Variants in ACOXL observed in about 807,000 individuals in gnomAD.
ACOXL encodes acyl-CoA oxidase like, also known as acyl-coenzyme A oxidase-like protein.
In ACOXL, 70 loss-of-function variants were observed where a neutral mutation model predicts 71.9. The ratio of observed to expected loss-of-function variants is 0.97; its 90% CI spans 0.80 to 1.19. ACOXL has a LOEUF of 1.19. Ranked by LOEUF, ACOXL falls within the 50% of genes most tolerant of loss-of-function variation. The pLI is 0.00. For synonymous variants in ACOXL, 253 were observed against 281.6 expected (o/e 0.90, Z 1.02); for missense variants, 703 against 736.3 (o/e 0.95, Z 0.52).
At position 111,051,253 on chromosome 2, in the gene ACOXL, G is replaced by A. The variant is rs60560514; in HGVS notation, c.1440+1965G>A. ...AATGTCACATATCAGAAGGCACCATGTGGGTGTGACAATGGTATGCTGGGT... is the reference window on the plus strand; with the variant it reads ...AATGTCACATATCAGAAGGCACCATATGGGTGTGACAATGGTATGCTGGGT... On this transcript the variant is annotated intron_variant, in intron 16 of 17. Transcript: ENST00000439055. 6.3e-3 allele frequency among the ~76,000 whole-genome samples: 956 copies of A among 152,304 alleles called. 8 individuals are homozygous for A. The highest frequency in any genetic ancestry group is 0.034 in the Middle Eastern group (10 of 292).
At chr2:110,992,886 A>G (rs940979386) in intron 13 of ACOXL, among the ~76,000 whole-genome samples, 4 of 152,280 alleles carry the variant, frequency 2.6e-5, no homozygotes, top group Non-Finnish European at 4.4e-5. Context: ...GTGTTTTTCT[A>G]CATTATGCTG....
At chr2:110,799,541 G>T (rs2105317057) in intron 7 of ACOXL, among the ~76,000 whole-genome samples, 1 of 152,200 alleles carries the variant, frequency 6.6e-6, no homozygotes, top group Non-Finnish European at 1.5e-5. Flanking sequence ...CTAACTGTGG[G>T]GCTTAAACAA....
intron 16 of ACOXL, among the ~76,000 whole-genome samples, chr2:111,055,377 C>T (rs1031384233): frequency 1.3e-5 from 2 of 152,240 alleles, no homozygotes; most frequent in African/African-American, 4.8e-5. Flanking sequence ...TCTTCCTTTT[C>T]TCAACCTGTG....
chr2:110,900,072 AACAC>A (rs1207320985), intron 10 of ACOXL, among the ~76,000 whole-genome samples: 83 of 123,204 alleles, frequency 6.7e-4, no homozygotes, highest in African/African-American at 2.6e-3. Flanking sequence ...AAAGCTTTTC[AACAC>A]ACACACACAT....
chr2:110,837,926 G>T (rs1179056722), intron 9 of ACOXL, among the ~76,000 whole-genome samples: 1 of 152,180 alleles, frequency 6.6e-6, no homozygotes, highest in Non-Finnish European at 1.5e-5. Flanking sequence ...CCTCAGCCTG[G>T]CTGGGCCAGG....
At position 110,747,745 on chromosome 2, in the gene ACOXL, T is replaced by C. The variant is rs184843878; in HGVS notation, c.-23+14971T>C. 1.3e-4 allele frequency among the ~76,000 whole-genome samples: 20 copies of C among 152,104 alleles called. No individual in the cohort carries two copies. In the East Asian group the frequency reaches 3.7e-3, roughly 28 times the overall value. On this transcript the variant is annotated intron_variant, in intron 1 of 17. Coordinates refer to ENST00000439055, the MANE Select transcript of ACOXL (RefSeq NM_001142807.4). ...GACATACCTTTACCTAGTGAAGAAA[T>C]GTTTTTGTGTTTTTTTTATGGCTTG...
At chr2:110,811,730 T>C (rs75601996) in intron 9 of ACOXL, among the ~76,000 whole-genome samples, 126 of 101,652 alleles carry the variant, frequency 1.2e-3, no homozygotes, top group Middle Eastern at 6.0e-3. Flanking sequence ...TTTTTTTGCA[T>C]ACACACACAC....
Position 110,968,552 on chromosome 2 carries a change from A to G in ACOXL, c.1060-18556A>G, listed in dbSNP as rs2062034820. On this transcript the variant is annotated intron_variant, in intron 12 of 17. Transcript: ENST00000439055. ...ACTCCAGACATGACGGAGGAGATGTATAAGAAAGCTCATGCTGCTTATACA... is the reference window on the plus strand; with the variant it reads ...ACTCCAGACATGACGGAGGAGATGTGTAAGAAAGCTCATGCTGCTTATACA... 4.7e-6 allele frequency: 5 copies of G among 1,063,472 alleles called. No individual in the cohort carries two copies. The Admixed American group carries it at 5.5e-5, about 12-fold the overall frequency. The allele number at this position is 1,063,472 out of a possible 1,614,324, so 65.9% of individuals were successfully genotyped here.
intron 12 of ACOXL, among the ~76,000 whole-genome samples, chr2:110,951,138 G>C (rs781730600): frequency 6.6e-6 from 1 of 152,174 alleles, no homozygotes; most frequent in Non-Finnish European, 1.5e-5. Context: ...TGTTATGAAC[G>C]TGCCAGCGGA....
intron 14 of ACOXL, among the ~76,000 whole-genome samples, chr2:110,999,512 G>A (rs1344869049): frequency 1.3e-5 from 2 of 152,030 alleles, no homozygotes; most frequent in Non-Finnish European, 2.9e-5. Context: ...AATACATTTT[G>A]TCCTCCAAGA....
chr2:110,930,810 G>GCCATCATGCAAAATGTGCCTTTTGCCTT (rs2060453073), intron 11 of ACOXL, among the ~76,000 whole-genome samples: 3 of 152,166 alleles, frequency 2.0e-5, no homozygotes, highest in Admixed American at 2.0e-4. Flanking sequence ...TCTCTTGCCT[G>GCCATCATGCAAAATGTGCCTTTTGCCTT]CCATCATGCA....
At chr2:111,082,573 T>C (rs949813468) in intron 16 of ACOXL, among the ~76,000 whole-genome samples, 3 of 152,180 alleles carry the variant, frequency 2.0e-5, no homozygotes, top group African/African-American at 7.2e-5. Flanking sequence ...ACACTGTTGG[T>C]GGGAGTGTAA....
intron 14 of ACOXL, among the ~76,000 whole-genome samples, chr2:111,021,519 C>G (rs138948539): frequency 1.2e-4 from 18 of 152,250 alleles, no homozygotes; most frequent in African/African-American, 3.9e-4. Context: ...ACCAGTGAGC[C>G]GCTGGCTACT....
intron 1 of ACOXL, among the ~76,000 whole-genome samples, chr2:110,743,598 C>G (rs565384736): frequency 6.6e-6 from 1 of 152,238 alleles, no homozygotes; most frequent in African/African-American, 2.4e-5. Context: ...TGCTGCCAGG[C>G]CTTTGGTGGG....
intron 16 of ACOXL, among the ~76,000 whole-genome samples, chr2:111,064,070 T>C (rs937804246): frequency 3.3e-5 from 5 of 152,166 alleles, no homozygotes; most frequent in Non-Finnish European, 4.4e-5. Flanking sequence ...TGTCCCAAGG[T>C]ATCTGTGGGG....
intron 16 of ACOXL, among the ~76,000 whole-genome samples, chr2:111,083,187 A>G (rs1429597873): frequency 1.3e-5 from 2 of 152,142 alleles, no homozygotes; most frequent in African/African-American, 4.8e-5. Flanking sequence ...TATAATAATT[A>G]AAAAAAAGAA....
At chr2:110,740,114 T>C (rs921399283) in intron 1 of ACOXL, among the ~76,000 whole-genome samples, 8 of 152,222 alleles carry the variant, frequency 5.3e-5, no homozygotes, top group African/African-American at 1.7e-4. Flanking sequence ...GTTTGTGTTA[T>C]CTTAAACAAT....
chr2:111,071,441 C>A (rs1173865852), intron 16 of ACOXL, among the ~76,000 whole-genome samples: 1 of 152,164 alleles, frequency 6.6e-6, no homozygotes, highest in Non-Finnish European at 1.5e-5. Flanking sequence ...CAAGGAATGC[C>A]CTTAGAAATT....
intron 12 of ACOXL, among the ~76,000 whole-genome samples, chr2:110,942,443 A>G (rs1574217334): frequency 6.6e-6 from 1 of 152,248 alleles, no homozygotes; most frequent in South Asian, 2.1e-4. Flanking sequence ...AGTCGATTTC[A>G]GAGCAAAGAA....
Sources: allele counts gnomAD v4.1 joint callset (sites outside exome capture counted in the v4.1 genomes callset), GRCh38; gene constraint gnomAD v4.1.1; transcripts MANE v1.5; gene names NCBI Gene and HGNC (gene_info 2026-07-23, HGNC 2026-07-21).